SRD5A1: variants seen among roughly 807,000 people sequenced by gnomAD.
The protein encoded by SRD5A1 is steroid 5 alpha-reductase 1.
A neutral mutation model predicts 28.2 loss-of-function variants in SRD5A1; 22 were observed. The ratio of observed to expected loss-of-function variants is 0.78; its 90% CI spans 0.56 to 1.12. The LOEUF (loss-of-function observed/expected upper bound fraction) is 1.12, where lower values mean the gene tolerates loss of function less well. SRD5A1 is among the 50% of genes most tolerant of loss of function. The probability of loss-of-function intolerance (pLI) is 0.00; values close to 1 mark genes in which losing one functional copy is unlikely to be tolerated. For synonymous variants in SRD5A1, 151 were observed against 135.0 expected (o/e 1.12, Z -0.82); for missense variants, 300 against 346.7 (o/e 0.87, Z 1.07).
intron 1 of SRD5A1, among the ~76,000 whole-genome samples, chr5:6,636,056 GT>G (rs11357349): frequency 0.51 from 76,654 of 150,488 alleles, 19,645 homozygotes; most frequent in Admixed American, 0.56. Flanking sequence ...GTCAGGTATA[GT>G]TTTTTTTTTA....
At chr5:6,639,650 T>G (rs1691052) in intron 1 of SRD5A1, among the ~76,000 whole-genome samples, 21,910 of 152,178 alleles carry the variant, frequency 0.14, 1,719 homozygotes, top group East Asian at 0.23. Context: ...TGTTTATTAA[T>G]TTCGCCTGAT....
chr5:6,662,378 A>C (rs1739033908), intron 3 of SRD5A1, among the ~76,000 whole-genome samples: 2 of 152,246 alleles, frequency 1.3e-5, no homozygotes, highest in African/African-American at 4.8e-5. Flanking sequence ...GTGCCTGGGC[A>C]GGGCATGGCC....
intron 1 of SRD5A1, among the ~76,000 whole-genome samples, chr5:6,647,151 T>G (rs1407447777): frequency 6.6e-6 from 1 of 152,246 alleles, no homozygotes; most frequent in African/African-American, 2.4e-5. Flanking sequence ...CTGTTTGTTA[T>G]GATTTCCATT....
chr5:6,639,736 C>G (rs1380267677), intron 1 of SRD5A1, among the ~76,000 whole-genome samples: 1 of 152,160 alleles, frequency 6.6e-6, no homozygotes, highest in African/African-American at 2.4e-5. Flanking sequence ...TCTGTCTGTT[C>G]TGAATGTTAG....
chr5:6,660,180 G>A (rs1400124948), intron 3 of SRD5A1, among the ~76,000 whole-genome samples: 1 of 152,240 alleles, frequency 6.6e-6, no homozygotes, highest in African/African-American at 2.4e-5. Flanking sequence ...CAACCAGTTT[G>A]TGGTTTTGTA....
At chr5:6,639,550 G>A (rs944371357) in intron 1 of SRD5A1, among the ~76,000 whole-genome samples, 1 of 152,168 alleles carries the variant, frequency 6.6e-6, no homozygotes, top group Non-Finnish European at 1.5e-5. Context: ...AGGCAGCCCC[G>A]ATGATTTTGT....
intron 2 of SRD5A1, among the ~76,000 whole-genome samples, chr5:6,652,893 A>C (rs62348991): frequency 6.9e-6 from 1 of 145,086 alleles, no homozygotes. Context: ...AAAAAAAAAA[A>C]CTCAGGGATC....
At chr5:6,652,724 G>A (rs532072038) in intron 2 of SRD5A1, among the ~76,000 whole-genome samples, 48 of 151,756 alleles carry the variant, frequency 3.2e-4, no homozygotes, top group Non-Finnish European at 5.6e-4. Context: ...ATACAAAAAC[G>A]TAGCTGGGCA....
chr5:6,634,852 C>T (rs374379045), intron 1 of SRD5A1, among the ~76,000 whole-genome samples: 5 of 152,310 alleles, frequency 3.3e-5, no homozygotes, highest in East Asian at 3.9e-4. Context: ...CCAAAGCAAA[C>T]GACAGGTCGA....
chr5:6,662,467 C>T (rs775943879), intron 3 of SRD5A1, among the ~76,000 whole-genome samples: 10 of 152,240 alleles, frequency 6.6e-5, no homozygotes, highest in Non-Finnish European at 1.3e-4. Flanking sequence ...CTTTGTCCCT[C>T]ATTGCTCTAG....
rs1418284547 is a variant in SRD5A1 at position 6,669,418 on chromosome 5, T to C, written c.*1150T>C. 2.0e-5 allele frequency: 3 copies of C among 152,256 alleles called. No individual in the cohort carries two copies. 9.4% of individuals were successfully genotyped at this position (152,256 alleles called of 1,614,324 possible). ...GTTGAATGCTTCATGACTTGAATTC[T>C]ACTTTGATAAAAACATTGCCATACT... On this transcript the variant is annotated 3_prime_UTR_variant, in exon 5 of 5. Transcript: ENST00000274192.
chr5:6,651,773 TAA>T, intron 1 of SRD5A1, 67 bp from the exon 2 acceptor site: 1 of 1,429,216 alleles, frequency 7.0e-7, no homozygotes, highest in South Asian at 1.4e-5. Flanking sequence ...CCAAATCATT[TAA>T]GATAGGATTA....
intron 1 of SRD5A1, among the ~76,000 whole-genome samples, chr5:6,637,923 T>C (rs2126524559): frequency 2.0e-5 from 3 of 152,374 alleles, no homozygotes; most frequent in Admixed American, 2.0e-4. Flanking sequence ...ATCCTATTAA[T>C]GGGCTCCTGT....
At chr5:6,666,375 C>T (rs2126555237) in intron 4 of SRD5A1, among the ~76,000 whole-genome samples, 1 of 152,266 alleles carries the variant, frequency 6.6e-6, no homozygotes, top group South Asian at 2.1e-4. Flanking sequence ...GTCTTGATCT[C>T]CTGACCTCGT....
At chr5:6,660,608 C>T (rs1275682989) in intron 3 of SRD5A1, among the ~76,000 whole-genome samples, 1 of 152,226 alleles carries the variant, frequency 6.6e-6, no homozygotes, top group African/African-American at 2.4e-5. Flanking sequence ...TGCTTTGGGT[C>T]CATTCTTGCA....
At chr5:6,655,175 G>A (rs912196434) in intron 2 of SRD5A1, among the ~76,000 whole-genome samples, 1 of 152,170 alleles carries the variant, frequency 6.6e-6, no homozygotes, top group African/African-American at 2.4e-5. Flanking sequence ...GATGCCCCAC[G>A]TGTACATTGA....
intron 3 of SRD5A1, among the ~76,000 whole-genome samples, chr5:6,660,146 A>G (rs1294961724): frequency 1.3e-5 from 2 of 152,174 alleles, no homozygotes; most frequent in Non-Finnish European, 2.9e-5. Context: ...AGGGCTTAGG[A>G]CAAGTGCTGT....
At chr5:6,649,753 G>A (rs756343436) in intron 1 of SRD5A1, among the ~76,000 whole-genome samples, 2 of 152,118 alleles carry the variant, frequency 1.3e-5, no homozygotes, top group South Asian at 2.1e-4. Flanking sequence ...CTCGCCCTCC[G>A]TGGGCTGCAC....
intron 3 of SRD5A1, among the ~76,000 whole-genome samples, chr5:6,658,002 TG>T (rs1738883034): frequency 6.6e-6 from 1 of 152,150 alleles, no homozygotes; most frequent in East Asian, 1.9e-4. Flanking sequence ...AGGGGAAAAT[TG>T]TAATCAAAAT....
Sources: allele counts gnomAD v4.1 joint callset (sites outside exome capture counted in the v4.1 genomes callset), GRCh38; gene constraint gnomAD v4.1.1; transcripts MANE v1.5; gene names NCBI Gene and HGNC (gene_info 2026-07-23, HGNC 2026-07-21).